Variants in CCM2 observed in about 807,000 individuals in gnomAD.
CCM2 encodes the protein CCM2 scaffold protein.
In CCM2, 25 loss-of-function variants were observed where a neutral mutation model predicts 44.9. The ratio of observed to expected loss-of-function variants is 0.56; its 90% CI spans 0.41 to 0.78. The LOEUF (loss-of-function observed/expected upper bound fraction) is 0.78. Among genes scored for constraint, CCM2 ranks in the 30% least tolerant of loss-of-function variants. CCM2 has a pLI of 0.00. For missense variants in CCM2, 481 were observed against 580.6 expected (o/e 0.83, Z 1.76); for synonymous variants, 219 against 241.1 (o/e 0.91, Z 0.85).
intron 1 of CCM2, among the ~76,000 whole-genome samples, chr7:45,008,280 C>T (rs1583836236): frequency 6.6e-6 from 1 of 151,616 alleles, no homozygotes; most frequent in Non-Finnish European, 1.5e-5. Context: ...CCTCATGATC[C>T]ACCCGCCTCG....
In CCM2 at chr7:45,064,527, A is replaced by T; in HGVS notation, c.353A>T (p.Tyr118Phe). Reference protein sequence around the residue: ...EHDAVLSLSAYNVKLAWRDGE... With the variant: ...EHDAVLSLSAFNVKLAWRDGE... ...GATGCTGTGCTCAGCCTGTCTGCGT[A>T]CAACGTCAAGCTGGCCTGGAGGGAC... Residue 118 changes from tyrosine (Y) to phenylalanine (F), a missense_variant, in exon 4 of 10, where the codon TAC becomes TTC. Coordinates refer to ENST00000258781, the MANE Select transcript of CCM2 (RefSeq NM_031443.4). 1.9e-6 allele frequency: 3 copies of T among 1,613,956 alleles called. No homozygotes were observed. Among genetic ancestry groups the T allele is most frequent in the Non-Finnish European group, 2.5e-6 (3 of 1,179,976 alleles).
At chr7:45,050,029 T>C (rs191044610) in intron 2 of CCM2, among the ~76,000 whole-genome samples, 4 of 152,374 alleles carry the variant, frequency 2.6e-5, no homozygotes, top group Admixed American at 2.6e-4. Flanking sequence ...ACCACACATA[T>C]GACAATGGTC....
At chr7:45,060,111 C>T (rs1798452412) in intron 2 of CCM2, among the ~76,000 whole-genome samples, 1 of 152,316 alleles carries the variant, frequency 6.6e-6, no homozygotes, top group South Asian at 2.1e-4. Context: ...TTCATTCTCT[C>T]TGAAGAAGTT....
intron 4 of CCM2, 163 bp from the exon 5 acceptor site, chr7:45,068,280 C>T (rs1280118364): frequency 7.2e-6 from 6 of 836,822 alleles, no homozygotes; most frequent in Non-Finnish European, 1.2e-5. Flanking sequence ...TTTAGAGAAG[C>T]GAAGTGTGTC....
chr7:45,013,840 T>G (rs963888643), intron 1 of CCM2, among the ~76,000 whole-genome samples: 1 of 152,186 alleles, frequency 6.6e-6, no homozygotes, highest in South Asian at 2.1e-4. Context: ...TGTTTTTTCC[T>G]CATGAGTTTA....
intron 1 of CCM2, among the ~76,000 whole-genome samples, chr7:45,024,922 G>T (rs192002561): frequency 2.0e-5 from 3 of 152,142 alleles, no homozygotes; most frequent in African/African-American, 7.2e-5. Flanking sequence ...TGAGTTCATC[G>T]TTGTTGTCTT....
intron 2 of CCM2, among the ~76,000 whole-genome samples, chr7:45,061,159 G>T (rs1452687047): frequency 6.6e-6 from 1 of 152,174 alleles, no homozygotes; most frequent in East Asian, 1.9e-4. Context: ...GTGCATCCCT[G>T]TTATTACACA....
At chr7:45,068,346 C>T (rs1798885914) in intron 4 of CCM2, 97 bp from the exon 5 acceptor site, 6 of 1,528,332 alleles carry the variant, frequency 3.9e-6, no homozygotes. Flanking sequence ...GGTAAAGGTC[C>T]TCTCAGCCTG....
chr7:45,072,225 G>A (rs1315163684), intron 6 of CCM2: 3 of 328,224 alleles, frequency 9.1e-6, no homozygotes, highest in Non-Finnish European at 1.8e-5. Context: ...GCTGGTCTGA[G>A]GGTCTTGGGA....
chr7:45,072,673 C>A, intron 6 of CCM2, 53 bp from the exon 7 acceptor site: 1 of 1,409,568 alleles, frequency 7.1e-7, no homozygotes, highest in Non-Finnish European at 1.0e-6. Flanking sequence ...ACTCAAAATG[C>A]CTCCCCACTA....
At position 45,069,876 on chromosome 7, in the gene CCM2, T is replaced by C. The variant is rs1053731060; in HGVS notation, c.660T>C (p.Val220=). The change falls in exon 6 of 10, where the codon GTT becomes GTC. Residue 220 remains valine, a synonymous_variant. Coordinates refer to ENST00000258781, the MANE Select transcript of CCM2 (RefSeq NM_031443.4). ...CCLLGQVFQV[V]YTESTIDFLD... ...TGCTAGGCCAGGTCTTCCAGGTTGT[T>C]TACACGGAGTCCACCATCGACTTTC... The C allele has an allele frequency of 7.4e-6, 12 of 1,614,100 alleles. No homozygotes were observed. The highest frequency in any genetic ancestry group is 9.3e-6 in the Non-Finnish European group (11 of 1,180,050).
chr7:45,062,117 G>A (rs1194839074), intron 2 of CCM2, among the ~76,000 whole-genome samples: 3 of 152,176 alleles, frequency 2.0e-5, no homozygotes, highest in African/African-American at 7.2e-5. Flanking sequence ...ATGGATCTGA[G>A]AACAGTCATT....
rs767862839 is a variant in CCM2, at chr7:45,076,070, G to T, written c.*13G>T. 2.5e-6 allele frequency: 4 copies of T among 1,612,496 alleles called. No individual in the cohort carries two copies. The South Asian group carries it at 3.3e-5, about 13-fold the overall frequency. On this transcript the variant is annotated 3_prime_UTR_variant, in exon 10 of 10. Coordinates refer to ENST00000258781, the MANE Select transcript of CCM2 (RefSeq NM_031443.4). ...GGACTCAGCATGATGGACAGTGGAT[G>T]GGGGGGCACCCACACCTTCCGCGCA...
At chr7:45,044,412 A>G (rs545236735) in intron 2 of CCM2, among the ~76,000 whole-genome samples, 1 of 152,348 alleles carries the variant, frequency 6.6e-6, no homozygotes, top group South Asian at 2.1e-4. Flanking sequence ...CTGGGATTAC[A>G]GGTGTAAGCC....
intron 1 of CCM2, among the ~76,000 whole-genome samples, chr7:45,019,985 A>C (rs957179473): frequency 6.6e-6 from 1 of 152,084 alleles, no homozygotes; most frequent in Admixed American, 6.5e-5. Context: ...GGGACCTTAT[A>C]CTCAGACTTT....
intron 1 of CCM2, among the ~76,000 whole-genome samples, chr7:45,033,234 G>A (rs1007868434): frequency 1.3e-5 from 2 of 152,108 alleles, no homozygotes; most frequent in Non-Finnish European, 2.9e-5. Context: ...CTCTTTAGGG[G>A]TGGGATTGTA....
At chr7:45,022,431 C>T (rs1027344806) in intron 1 of CCM2, among the ~76,000 whole-genome samples, 2 of 150,802 alleles carry the variant, frequency 1.3e-5, no homozygotes, top group Non-Finnish European at 3.0e-5. Flanking sequence ...CTCAGCCTCC[C>T]GAGTAGCTGG....
chr7:45,006,239 C>T (rs1384264048), intron 1 of CCM2, among the ~76,000 whole-genome samples: 2 of 152,216 alleles, frequency 1.3e-5, no homozygotes, highest in Non-Finnish European at 2.9e-5. Flanking sequence ...TTCCTGCTTC[C>T]TGCCTGTGTG....
chr7:45,007,868 A>G (rs993532585), intron 1 of CCM2, among the ~76,000 whole-genome samples: 2 of 152,148 alleles, frequency 1.3e-5, no homozygotes, highest in Admixed American at 1.3e-4. Flanking sequence ...ACCTTGGAGA[A>G]AAAAAAGAGA....
Sources: allele counts gnomAD v4.1 joint callset (sites outside exome capture counted in the v4.1 genomes callset), GRCh38; gene constraint gnomAD v4.1.1; transcripts MANE v1.5; gene names NCBI Gene and HGNC (gene_info 2026-07-23, HGNC 2026-07-21).